Variants in GBE1 observed in about 807,000 individuals in gnomAD.
GBE1 encodes 1,4-alpha-glucan branching enzyme 1.
A neutral mutation model predicts 88.8 loss-of-function variants in GBE1; 70 were observed. That is an observed-to-expected ratio of 0.79 (90% CI 0.65 to 0.96). The LOEUF is 0.96. Ranked by LOEUF, GBE1 falls within the 40% of genes least tolerant of loss-of-function variation. GBE1 has a pLI of 0.00. For synonymous variants in GBE1, 284 were observed against 300.1 expected (o/e 0.95, Z 0.56); for missense variants, 872 against 871.0 (o/e 1.00, Z -0.01).
At chr3:81,655,110 G>A (rs985538727) in intron 3 of GBE1, 2 of 152,156 alleles carry the variant, frequency 1.3e-5, no homozygotes, top group African/African-American at 2.4e-5. Flanking sequence ...AGCCATACCA[G>A]TGTACAATGC....
At chr3:81,607,728 C>T (rs904756090) in intron 7 of GBE1, among the ~76,000 whole-genome samples, 1 of 151,958 alleles carries the variant, frequency 6.6e-6, no homozygotes, top group Non-Finnish European at 1.5e-5. Flanking sequence ...GTTTAAAAAT[C>T]GTTTTATTTG....
At chr3:81,706,594 T>C (rs1054342185) in intron 1 of GBE1, among the ~76,000 whole-genome samples, 13 of 152,168 alleles carry the variant, frequency 8.5e-5, no homozygotes, top group Non-Finnish European at 1.6e-4. Flanking sequence ...GTAAGGAATC[T>C]TTCCCAGAAA....
At chr3:81,727,083 C>T (rs532190047) in intron 1 of GBE1, among the ~76,000 whole-genome samples, 1 of 152,176 alleles carries the variant, frequency 6.6e-6, no homozygotes, top group East Asian at 1.9e-4. Flanking sequence ...TAGTAACATC[C>T]AGTCAACCTA....
intron 1 of GBE1, among the ~76,000 whole-genome samples, chr3:81,707,649 CAG>C (rs1224991591): frequency 1.3e-5 from 2 of 151,878 alleles, no homozygotes; most frequent in African/African-American, 2.4e-5. Flanking sequence ...AATTTTATAG[CAG>C]AGAGTCACTC....
intron 2 of GBE1, among the ~76,000 whole-genome samples, chr3:81,683,787 C>A (rs1429375135): frequency 6.6e-6 from 1 of 152,048 alleles, no homozygotes; most frequent in Non-Finnish European, 1.5e-5. Context: ...AGAAACCTGA[C>A]AAAGAATTGA....
intron 14 of GBE1, among the ~76,000 whole-genome samples, chr3:81,534,511 A>G (rs1703048768): frequency 6.6e-6 from 1 of 151,994 alleles, no homozygotes; most frequent in Non-Finnish European, 1.5e-5. Flanking sequence ...GAGAACATCA[A>G]AAACATTCTC....
At chr3:81,613,744 C>T (rs1704211887) in intron 7 of GBE1, among the ~76,000 whole-genome samples, 1 of 152,128 alleles carries the variant, frequency 6.6e-6, no homozygotes. Context: ...TTGGGCCCTG[C>T]CACTCAGTGG....
chr3:81,522,199 T>C (rs1702883101), intron 14 of GBE1, among the ~76,000 whole-genome samples: 1 of 151,546 alleles, frequency 6.6e-6, no homozygotes, highest in South Asian at 2.1e-4. Context: ...GTTAAATGCC[T>C]TTCTGATTTG....
intron 9 of GBE1, among the ~76,000 whole-genome samples, chr3:81,586,496 A>G (rs1188151752): frequency 6.6e-6 from 1 of 152,202 alleles, no homozygotes; most frequent in Middle Eastern, 3.2e-3. Context: ...GAACTACTGT[A>G]AAACATTTTT....
chr3:81,718,163 A>G (rs1576211686), intron 1 of GBE1, among the ~76,000 whole-genome samples: 1 of 151,876 alleles, frequency 6.6e-6, no homozygotes. Flanking sequence ...ATATTTTAGT[A>G]TAGGTGGGGT....
At chr3:81,522,423 C>G (rs554970553) in intron 14 of GBE1, among the ~76,000 whole-genome samples, 3 of 151,436 alleles carry the variant, frequency 2.0e-5, no homozygotes, top group African/African-American at 4.8e-5. Flanking sequence ...AGCAGAGTAC[C>G]TCACAAAAGG....
At chr3:81,739,637 C>T (rs1037817562) in intron 1 of GBE1, among the ~76,000 whole-genome samples, 1 of 152,072 alleles carries the variant, frequency 6.6e-6, no homozygotes, top group African/African-American at 2.4e-5. Context: ...TTACCCTGTT[C>T]ATCAGCTTAG....
chr3:81,594,488 T>C (rs953012381), intron 7 of GBE1, among the ~76,000 whole-genome samples: 1 of 152,066 alleles, frequency 6.6e-6, no homozygotes, highest in Non-Finnish European at 1.5e-5. Context: ...TCATTATCAG[T>C]AGAAAAAGTA....
At chr3:81,565,444 A>G (rs1703478752) in intron 12 of GBE1, among the ~76,000 whole-genome samples, 1 of 152,176 alleles carries the variant, frequency 6.6e-6, no homozygotes, top group Admixed American at 6.6e-5. Context: ...CTAAACAACC[A>G]CAGATGGAAG....
intron 14 of GBE1, among the ~76,000 whole-genome samples, chr3:81,512,284 A>G (rs753777896): frequency 1.3e-5 from 2 of 151,798 alleles, no homozygotes; most frequent in African/African-American, 2.4e-5. Flanking sequence ...TCACAACCCA[A>G]AACTTCGCAA....
At chr3:81,515,493 T>A (rs1005800336) in intron 14 of GBE1, among the ~76,000 whole-genome samples, 5 of 151,508 alleles carry the variant, frequency 3.3e-5, no homozygotes, top group Non-Finnish European at 5.9e-5. Context: ...CTCTTCCCCT[T>A]TTCTTGGGCC....
At chr3:81,711,850 C>A (rs1171152383) in intron 1 of GBE1, among the ~76,000 whole-genome samples, 2 of 151,962 alleles carry the variant, frequency 1.3e-5, no homozygotes, top group African/African-American at 4.8e-5. Flanking sequence ...AAAGAAACTA[C>A]CATTGAAGTG....
chr3:81,761,395 G>T lies in GBE1; in HGVS notation c.123C>A (p.Tyr41Ter). 6.2e-7 allele frequency: 1 copy of T among 1,612,650 alleles called. No individual in the cohort carries two copies. The highest frequency in any genetic ancestry group is 8.5e-7 in the Non-Finnish European group (1 of 1,179,104). ...GGTACCTGCGCTGGAAGTCCACGGCGTAGGGCTTCAAGTACGGGTCGATCT... is the reference window on the plus strand; with the variant it reads ...GGTACCTGCGCTGGAAGTCCACGGCTTAGGGCTTCAAGTACGGGTCGATCT... ...LLEIDPYLKP[Y>*]AVDFQRRYKQ... is the part of the protein sequence containing the mutation. Residue 41 changes from tyrosine (Y) to a stop codon, truncating the protein, a stop_gained, in exon 1 of 16, where the codon TAC (tyrosine) becomes TAA (stop). Transcript: ENST00000429644. LOFTEE classifies it high-confidence loss of function.
intron 5 of GBE1, among the ~76,000 whole-genome samples, chr3:81,647,461 G>GTT (rs879760669): frequency 2.0e-5 from 3 of 151,892 alleles, no homozygotes; most frequent in East Asian, 3.9e-4. Context: ...TTAAAAATCC[G>GTT]TAACATTAAA....
Sources: allele counts gnomAD v4.1 joint callset (sites outside exome capture counted in the v4.1 genomes callset), GRCh38; gene constraint gnomAD v4.1.1; transcripts MANE v1.5; gene names NCBI Gene and HGNC (gene_info 2026-07-23, HGNC 2026-07-21).